Variants in SLC25A48 observed in about 807,000 individuals in gnomAD.
SLC25A48 encodes the protein solute carrier family 25 member 48.
A neutral mutation model predicts 32.2 loss-of-function variants in SLC25A48; 29 were observed. That is an observed-to-expected ratio of 0.90 (90% CI 0.67 to 1.23). The LOEUF (loss-of-function observed/expected upper bound fraction) is 1.23. Ranked by LOEUF, SLC25A48 falls within the 50% of genes most tolerant of loss-of-function variation. The pLI is 0.00. For missense variants in SLC25A48, 399 were observed against 422.7 expected, an observed-to-expected ratio of 0.94 and a Z score of 0.49; for synonymous variants, 164 against 172.3, an observed-to-expected ratio of 0.95 and a Z score of 0.38.
intron 3 of SLC25A48, among the ~76,000 whole-genome samples, chr5:135,723,542 TA>T (rs368363297): frequency 1.0e-3 from 141 of 134,394 alleles, no homozygotes; most frequent in Non-Finnish European, 1.4e-3. Flanking sequence ...TTTTTTTCAC[TA>T]AAAAAAAAAA....
At chr5:135,621,206 G>A (rs1343060741) in intron 1 of SLC25A48, among the ~76,000 whole-genome samples, 1 of 152,182 alleles carries the variant, frequency 6.6e-6, no homozygotes, top group African/African-American at 2.4e-5. Context: ...TGGTTAAATT[G>A]CTAAATATCT....
chr5:135,591,334 A>G (rs1751522386), intron 1 of SLC25A48, among the ~76,000 whole-genome samples: 2 of 152,174 alleles, frequency 1.3e-5, no homozygotes, highest in East Asian at 1.9e-4. Flanking sequence ...TTTGTTCTCA[A>G]TTGTTTGCCT....
At position 135,585,560 on chromosome 5, in the gene SLC25A48, T is replaced by A. The variant is rs1033261645; in HGVS notation, c.-849+5963T>A. Among the ~76,000 whole-genome samples the A allele has an allele frequency of 5.3e-5, 8 of 152,150 alleles. No homozygotes were observed. The East Asian group carries it at 1.5e-3, about 29-fold the overall frequency. ...GTTGCTCTGTGTCTTTCTTATTAAT[T>A]CTAGTTCCCCAGCTTGAGCACAGGG... is the stretch of plus-strand genomic sequence containing the variant. On this transcript the variant is annotated intron_variant, in intron 1 of 10. Coordinates refer to the SLC25A48 transcript ENST00000646290.
chr5:135,624,034 G>A (rs1326215912), intron 1 of SLC25A48, among the ~76,000 whole-genome samples: 1 of 152,178 alleles, frequency 6.6e-6, no homozygotes, highest in Non-Finnish European at 1.5e-5. Context: ...CTCTGGGGAT[G>A]GAAATCACGG....
chr5:135,727,185 T>C (rs1433144361), intron 3 of SLC25A48, among the ~76,000 whole-genome samples: 2 of 8,124 alleles, frequency 2.5e-4, no homozygotes. Flanking sequence ...AGCCACAGGC[T>C]ATATATATAT....
rs145789881 is a variant in SLC25A48, at chr5:135,792,452, C to G, written c.-520-20071C>G. ...AGTGCTTGTACACCATGTGTACAAT[C>G]CCGGTTATATTATTTGTAATATCTT... On this transcript the variant is annotated intron_variant, in intron 3 of 10. Transcript: ENST00000646290. 1.0e-3 allele frequency among the ~76,000 whole-genome samples: 159 copies of G among 151,690 alleles called. 1 individual carries two copies. The highest frequency in any genetic ancestry group is 3.4e-3 in the Middle Eastern group (1 of 292).
chr5:135,658,891 G>A (rs1457950064), intron 3 of SLC25A48, among the ~76,000 whole-genome samples: 1 of 152,236 alleles, frequency 6.6e-6, no homozygotes, highest in Non-Finnish European at 1.5e-5. Context: ...AGGGCACCAT[G>A]TCTTGAGGCT....
intron 3 of SLC25A48, among the ~76,000 whole-genome samples, chr5:135,684,360 C>T (rs149467146): frequency 2.6e-5 from 4 of 152,154 alleles, no homozygotes; most frequent in Non-Finnish European, 5.9e-5. Context: ...GACCTAGACT[C>T]GGAGATTGAG....
intron 3 of SLC25A48, among the ~76,000 whole-genome samples, chr5:135,785,391 T>C (rs1438222938): frequency 1.3e-5 from 2 of 150,386 alleles, no homozygotes; most frequent in South Asian, 2.1e-4. Flanking sequence ...GCCCTATGGA[T>C]TGTAATATCC....
At chr5:135,707,720 G>A (rs190670066) in intron 3 of SLC25A48, among the ~76,000 whole-genome samples, 4 of 152,266 alleles carry the variant, frequency 2.6e-5, no homozygotes, top group African/African-American at 9.6e-5. Flanking sequence ...CTACCCTCCT[G>A]TTTATTTCCT....
chr5:135,614,925 C>T (rs1017817342), intron 1 of SLC25A48, among the ~76,000 whole-genome samples: 1 of 152,142 alleles, frequency 6.6e-6, no homozygotes, highest in Non-Finnish European at 1.5e-5. Flanking sequence ...AGCACCTCCC[C>T]CTTTTGTCTC....
At chr5:135,628,715 A>G (rs1197505193) in intron 1 of SLC25A48, among the ~76,000 whole-genome samples, 2 of 151,218 alleles carry the variant, frequency 1.3e-5, no homozygotes, top group South Asian at 2.1e-4. Flanking sequence ...CACACCCAGG[A>G]ATATGGCAGA....
intron 4 of SLC25A48, among the ~76,000 whole-genome samples, chr5:135,854,910 T>G (rs1016477227): frequency 1.3e-5 from 2 of 152,254 alleles, no homozygotes; most frequent in African/African-American, 4.8e-5. Flanking sequence ...TTCCTTTGAC[T>G]TGAACACTTA....
chr5:135,782,525 C>A (rs62365741), intron 3 of SLC25A48, among the ~76,000 whole-genome samples: 58,682 of 114,626 alleles, frequency 0.51, 22,404 homozygotes, highest in Middle Eastern at 0.69. Flanking sequence ...TCCTAATATC[C>A]AGGGAAGGAG....
intron 1 of SLC25A48, among the ~76,000 whole-genome samples, chr5:135,618,687 G>A (rs1752247167): frequency 6.6e-6 from 1 of 152,102 alleles, no homozygotes; most frequent in Non-Finnish European, 1.5e-5. Context: ...TGGTCCAGTG[G>A]TGATGAATTT....
chr5:135,650,904 A>G (rs934611871), intron 3 of SLC25A48, among the ~76,000 whole-genome samples: 1 of 152,136 alleles, frequency 6.6e-6, no homozygotes, highest in African/African-American at 2.4e-5. Flanking sequence ...TATTCACAGA[A>G]TAATATACAT....
chr5:135,774,950 C>T (rs1375734015), intron 3 of SLC25A48, among the ~76,000 whole-genome samples: 1 of 151,592 alleles, frequency 6.6e-6, no homozygotes, highest in Non-Finnish European at 1.5e-5. Context: ...GATACTACTC[C>T]CAGTATCATA....
chr5:135,835,106 G>C (rs780401795), intron 1 of SLC25A48: 2 of 715,874 alleles, frequency 2.8e-6, no homozygotes, highest in Non-Finnish European at 5.1e-6. Flanking sequence ...TTCGGGCTGA[G>C]CTTCTGATTT....
At chr5:135,676,692 A>T (rs1362154703) in intron 3 of SLC25A48, among the ~76,000 whole-genome samples, 1 of 151,866 alleles carries the variant, frequency 6.6e-6, no homozygotes, top group Non-Finnish European at 1.5e-5. Flanking sequence ...AAATTATTTG[A>T]CTTTCTTCTT....
Sources: gnomAD v4.1 joint callset for allele counts (sites outside exome capture counted in the v4.1 genomes callset) on GRCh38, gnomAD v4.1.1 for gene constraint, MANE v1.5 for transcripts, NCBI Gene and HGNC (gene_info 2026-07-23, HGNC 2026-07-21) for gene names.